COL22A1: variants seen among roughly 807,000 people sequenced by gnomAD.
The protein encoded by COL22A1 is collagen type XXII alpha 1 chain.
A neutral mutation model predicts 248.9 loss-of-function variants in COL22A1; 221 were observed. That is an observed-to-expected ratio of 0.89 (90% CI 0.80 to 0.99). The LOEUF (loss-of-function observed/expected upper bound fraction) is 0.99. COL22A1 is among the 50% of genes least tolerant of loss of function. The pLI, the probability that COL22A1 is intolerant of heterozygous loss-of-function variation, is 0.00. For missense variants in COL22A1, 2,240 were observed against 2,179.0 expected (o/e 1.03, Z -0.56); for synonymous variants, 891 against 793.4 (o/e 1.12, Z -2.07).
At chr8:138,835,460 TC>T (rs927563257) in intron 4 of COL22A1, among the ~76,000 whole-genome samples, 1 of 152,146 alleles carries the variant, frequency 6.6e-6, no homozygotes, top group African/African-American at 2.4e-5. Flanking sequence ...ACAACTGAGG[TC>T]CCCTGTGGTG....
At chr8:138,857,115 G>GC (rs2131936110) in intron 3 of COL22A1, among the ~76,000 whole-genome samples, 1 of 151,920 alleles carries the variant, frequency 6.6e-6, no homozygotes, top group South Asian at 2.1e-4. Context: ...GGATCCGCCT[G>GC]CACTCCTGCC....
At chr8:138,762,505 T>C (rs1833569109) in intron 16 of COL22A1, 39 bp from the exon 17 acceptor site, 6 of 1,600,512 alleles carry the variant, frequency 3.7e-6, no homozygotes, top group Non-Finnish European at 5.1e-6. Context: ...AAGAGGTTAG[T>C]GACCACAGGC....
At chr8:138,895,075 A>G (rs1315183085) in intron 1 of COL22A1, among the ~76,000 whole-genome samples, 1 of 137,052 alleles carries the variant, frequency 7.3e-6, no homozygotes, top group Non-Finnish European at 1.6e-5. Flanking sequence ...AAAAAAAAAG[A>G]AAAGAAAAGA....
At chr8:138,694,775 C>T (rs774304025) in intron 33 of COL22A1, 51 bp downstream of exon 33, 75 of 1,597,664 alleles carry the variant, frequency 4.7e-5, no homozygotes, top group East Asian at 2.5e-4. Flanking sequence ...CTTTGGAGTC[C>T]GGGTCTCCAG....
chr8:138,671,876 CT>C (rs1206431221), intron 41 of COL22A1, among the ~76,000 whole-genome samples: 16 of 151,962 alleles, frequency 1.1e-4, no homozygotes, highest in African/African-American at 3.9e-4. Context: ...TTTTTCATAA[CT>C]TTTTTCTCTA....
intron 12 of COL22A1, among the ~76,000 whole-genome samples, chr8:138,783,653 T>A (rs565512849): frequency 1.1e-4 from 16 of 152,294 alleles, no homozygotes; most frequent in African/African-American, 3.9e-4. Context: ...CTTTGTATCC[T>A]TCAGTCCAAT....
chr8:138,840,067 T>TA (rs1296501335), intron 4 of COL22A1, among the ~76,000 whole-genome samples: 1 of 152,130 alleles, frequency 6.6e-6, no homozygotes, highest in Non-Finnish European at 1.5e-5. Context: ...AGATATGCCC[T>TA]AAAAATAGCC....
At chr8:138,651,562 G>C (rs1822741093) in intron 45 of COL22A1, among the ~76,000 whole-genome samples, 1 of 152,324 alleles carries the variant, frequency 6.6e-6, no homozygotes, top group East Asian at 1.9e-4. Context: ...TATAAAGCAA[G>C]AGTGTATGAG....
intron 32 of COL22A1, among the ~76,000 whole-genome samples, chr8:138,698,269 G>A (rs188801484): frequency 2.4e-4 from 36 of 152,294 alleles, no homozygotes; most frequent in Middle Eastern, 3.4e-3. Flanking sequence ...ACAGCCAGCC[G>A]GAACTGAAGC....
chr8:138,786,842 T>C (rs1365888135), intron 12 of COL22A1, among the ~76,000 whole-genome samples: 1 of 152,076 alleles, frequency 6.6e-6, no homozygotes, highest in Non-Finnish European at 1.5e-5. Context: ...AGACGAAGGT[T>C]GCAGTGAGCC....
At position 138,762,416 on chromosome 8, in the gene COL22A1, C is replaced by G; in HGVS notation, c.1854G>C (p.Gln618His). 1 of 1,614,130 alleles carries G rather than the reference C, an allele frequency of 6.2e-7. No individual in the cohort carries two copies. Among genetic ancestry groups the G allele is most frequent in the South Asian group, 1.1e-5 (1 of 91,078 alleles). ...GFPGKPGDTG[Q>H]QGRPGPSGVA... ...AACAGCGCCAGCACCCACCTACCTG[C>G]TGTCCTGTGTCCCCAGGCTTCCCAG... The change falls in exon 17 of 65, where the codon CAG (glutamine) becomes CAC (histidine). Residue 618 changes from glutamine (Q) to histidine (H), a missense_variant. Transcript: ENST00000303045.
intron 11 of COL22A1, among the ~76,000 whole-genome samples, chr8:138,800,638 T>C (rs1257570664): frequency 6.6e-6 from 1 of 152,156 alleles, no homozygotes; most frequent in Non-Finnish European, 1.5e-5. Context: ...TTGGCCTCAA[T>C]AGAGCTGCTG....
intron 14 of COL22A1, among the ~76,000 whole-genome samples, chr8:138,779,069 G>A (rs374732408): frequency 2.2e-4 from 33 of 152,292 alleles, no homozygotes; most frequent in South Asian, 4.1e-4. Context: ...ACACATGCAC[G>A]CATATTCAGT....
intron 3 of COL22A1, among the ~76,000 whole-genome samples, chr8:138,868,156 T>G (rs929454918): frequency 1.3e-5 from 2 of 152,188 alleles, no homozygotes; most frequent in African/African-American, 4.8e-5. Flanking sequence ...CTTTTAGACC[T>G]GAGTCCACCC....
At chr8:138,806,921 T>A (rs1817776240) in intron 10 of COL22A1, among the ~76,000 whole-genome samples, 1 of 152,190 alleles carries the variant, frequency 6.6e-6, no homozygotes, top group Admixed American at 6.5e-5. Flanking sequence ...GACTCAGGCA[T>A]GTGACGGTCA....
chr8:138,750,733 T>A (rs540607657), intron 22 of COL22A1, among the ~76,000 whole-genome samples: 2 of 152,274 alleles, frequency 1.3e-5, no homozygotes, highest in South Asian at 2.1e-4. Flanking sequence ...CCATGTGAAC[T>A]AGTAAAAGGC....
chr8:138,912,933 G>C (rs139187377), intron 1 of COL22A1, among the ~76,000 whole-genome samples: 1 of 152,196 alleles, frequency 6.6e-6, no homozygotes, highest in Admixed American at 6.5e-5. Flanking sequence ...GGAGAAGTGA[G>C]GACTCATTTT....
intron 3 of COL22A1, among the ~76,000 whole-genome samples, chr8:138,871,142 C>T (rs536936146): frequency 6.6e-6 from 1 of 152,096 alleles, no homozygotes; most frequent in African/African-American, 2.4e-5. Context: ...AGGCCAGACA[C>T]GCCACCCAGA....
At chr8:138,611,029 G>A (rs182256359) in intron 56 of COL22A1, among the ~76,000 whole-genome samples, 112 of 152,180 alleles carry the variant, frequency 7.4e-4, no homozygotes, top group Non-Finnish European at 1.3e-3. Flanking sequence ...TCATGCCACT[G>A]AAGTCCAGCC....
Sources: gnomAD v4.1 joint callset for allele counts (sites outside exome capture counted in the v4.1 genomes callset) on GRCh38, gnomAD v4.1.1 for gene constraint, MANE v1.5 for transcripts, NCBI Gene and HGNC (gene_info 2026-07-23, HGNC 2026-07-21) for gene names.